The following GLP1R variants were observed in gnomAD, a reference collection of about 807,000 sequenced individuals.
The protein encoded by GLP1R is glucagon-like peptide 1 receptor.
Under a neutral mutation model 68.4 loss-of-function variants are expected in GLP1R, and 32 were observed. The ratio of observed to expected loss-of-function variants is 0.47; its 90% CI spans 0.35 to 0.63. The LOEUF (loss-of-function observed/expected upper bound fraction) is 0.63. Ranked by LOEUF, GLP1R falls within the 20% of genes least tolerant of loss-of-function variation. The pLI is 0.00. For synonymous variants in GLP1R, 263 were observed against 244.4 expected, an observed-to-expected ratio of 1.08 and a Z score of -0.71; for missense variants, 502 against 594.9, an observed-to-expected ratio of 0.84 and a Z score of 1.62.
intron 1 of GLP1R, among the ~76,000 whole-genome samples, chr6:39,052,327 G>A (rs1299861769): frequency 6.6e-6 from 1 of 152,154 alleles, no homozygotes; most frequent in Non-Finnish European, 1.5e-5. Context: ...GTTGATGGAA[G>A]GGGTGATTTG....
intron 12 of GLP1R, among the ~76,000 whole-genome samples, chr6:39,085,293 C>A (rs889929910): frequency 3.9e-5 from 6 of 152,238 alleles, no homozygotes; most frequent in African/African-American, 1.4e-4. Flanking sequence ...CTGGGCTGCA[C>A]CCCCATGGTC....
At chr6:39,057,405 G>A in intron 2 of GLP1R, 67 bp from the exon 3 acceptor site, 1 of 1,005,116 alleles carries the variant, frequency 9.9e-7, no homozygotes, top group South Asian at 1.3e-5. Flanking sequence ...GGGGTCTTGG[G>A]GAAGGGAGGG....
intron 5 of GLP1R, among the ~76,000 whole-genome samples, chr6:39,068,136 G>T (rs2150829100): frequency 6.6e-6 from 1 of 152,290 alleles, no homozygotes; most frequent in East Asian, 1.9e-4. Flanking sequence ...AATAAAAAAA[G>T]AGAGAAATAG....
In GLP1R at chr6:39,089,346, C is replaced by T; in HGVS notation, c.*3273C>T. On this transcript the variant is annotated 3_prime_UTR_variant, in exon 13 of 13. Transcript: ENST00000373256. This position sits in a 1 kb window ranked among gnomAD's most constrained non-coding sequence, Gnocchi z 4.1. ...TGTATTGATAGTCACACAGAGTGTA[C>T]TAAAATAACCTAAAAGGTCTTGAAC... Among the ~76,000 whole-genome samples the T allele has an allele frequency of 6.6e-6, 1 of 152,102 alleles. No individual in the cohort carries two copies. The highest frequency in any genetic ancestry group is 1.5e-5 in the Non-Finnish European group (1 of 68,024).
At chr6:39,083,458 T>C (rs1682964380) in intron 12 of GLP1R, among the ~76,000 whole-genome samples, 1 of 152,152 alleles carries the variant, frequency 6.6e-6, no homozygotes, top group Non-Finnish European at 1.5e-5. Flanking sequence ...ATTGGTTCTG[T>C]GTGGCTGCCA....
intron 1 of GLP1R, among the ~76,000 whole-genome samples, chr6:39,050,461 C>G (rs895861847): frequency 6.6e-6 from 1 of 152,174 alleles, no homozygotes; most frequent in African/African-American, 2.4e-5. Flanking sequence ...GTGTCAGGCT[C>G]CTGAACCCAC....
At chr6:39,071,382 A>T (rs1768662459) in intron 5 of GLP1R, among the ~76,000 whole-genome samples, 1 of 151,726 alleles carries the variant, frequency 6.6e-6, no homozygotes, top group South Asian at 2.1e-4. Flanking sequence ...GAAAGAAAGA[A>T]AAAGAAATCT....
At chr6:39,062,376 G>A (rs1479444749) in intron 3 of GLP1R, among the ~76,000 whole-genome samples, 2 of 152,204 alleles carry the variant, frequency 1.3e-5, no homozygotes, top group Middle Eastern at 3.2e-3. Flanking sequence ...GCCAAGGTGG[G>A]CATCTGGGGA....
intron 12 of GLP1R, among the ~76,000 whole-genome samples, chr6:39,085,559 T>C (rs1159081122): frequency 6.6e-6 from 1 of 152,176 alleles, no homozygotes; most frequent in African/African-American, 2.4e-5. Flanking sequence ...GTCTCTCTTC[T>C]CTCTCCCATC....
rs1012355446 is a variant in GLP1R, at chr6:39,080,575, C to G, written c.1183-123C>G. ...GCCACTGCCCCATTCCTGGATCTGC[C>G]TGGGCCGCTGGATTTGGGGAGGGGG... is the stretch of plus-strand genomic sequence containing the variant. On this transcript the variant is annotated intron_variant, in intron 11 of 12. Coordinates refer to ENST00000373256, the MANE Select transcript of GLP1R (RefSeq NM_002062.5). The G allele has an allele frequency of 9.4e-6, 6 of 635,868 alleles. No individual in the cohort carries two copies. In the African/African-American group the frequency reaches 1.1e-4, roughly 12 times the overall value. 39.4% of individuals were successfully genotyped at this position (635,868 alleles called of 1,614,324 possible). A position where few individuals can be genotyped will look rare whatever the true frequency, so the allele number is the denominator to read the frequency against.
At chr6:39,081,292 A>G (rs926015659) in intron 12 of GLP1R, among the ~76,000 whole-genome samples, 27 of 152,296 alleles carry the variant, frequency 1.8e-4, no homozygotes, top group African/African-American at 5.8e-4. Flanking sequence ...TGAAGTGTGG[A>G]AATAGTGGCA....
chr6:39,079,195 A>C lies in GLP1R; in HGVS notation c.1038A>C (p.Lys346Asn). 1 of 1,604,128 alleles carries C rather than the reference A, an allele frequency of 6.2e-7. No homozygotes were observed. Among genetic ancestry groups the C allele is most frequent in the Non-Finnish European group, 8.5e-7 (1 of 1,170,870 alleles). ...KANLMCKTDI[K>N]CRLAKSTLTL... ...ATCTCATGTGCAAGACAGACATCAA[A>C]TGCAGGTGATGTAACTGAGCTGGCT... The change falls in exon 10 of 13, where the codon AAA becomes AAC. Residue 346 changes from lysine (K) to asparagine (N), a missense_variant. Coordinates refer to ENST00000373256, the MANE Select transcript of GLP1R (RefSeq NM_002062.5). This position sits in a 1 kb window ranked among gnomAD's most constrained non-coding sequence, Gnocchi z 4.5.
chr6:39,086,123 A>G lies in GLP1R; in HGVS notation c.*50A>G. ...GGTCCTTGCTGCAGGCCGGGTGGCC[A>G]ATCCAGGTGGGAGAGACACTCCCAG... On this transcript the variant is annotated 3_prime_UTR_variant, in exon 13 of 13. Transcript: ENST00000373256. The surrounding 1 kb of genome is among the most constrained non-coding windows in gnomAD (Gnocchi z 4.5). 7.2e-6 allele frequency: 11 copies of G among 1,529,780 alleles called. No individual in the cohort carries two copies. The highest frequency in any genetic ancestry group is 9.9e-6 in the Non-Finnish European group (11 of 1,111,124). 94.8% of individuals were successfully genotyped at this position (1,529,780 alleles called of 1,614,324 possible).
intron 6 of GLP1R, 117 bp from the exon 7 acceptor site, chr6:39,073,493 G>GCT: frequency 2.3e-6 from 2 of 852,744 alleles, no homozygotes; most frequent in East Asian, 4.9e-5. Flanking sequence ...AGAGATGTGA[G>GCT]CTCTCTCCTC....
At chr6:39,051,460 G>A (rs1387755194) in intron 1 of GLP1R, among the ~76,000 whole-genome samples, 1 of 152,136 alleles carries the variant, frequency 6.6e-6, no homozygotes, top group Non-Finnish European at 1.5e-5. Flanking sequence ...TGGAGTCCAG[G>A]GCTGAGCCTT....
chr6:39,084,939 G>A (rs1769107326), intron 12 of GLP1R, among the ~76,000 whole-genome samples: 1 of 152,166 alleles, frequency 6.6e-6, no homozygotes, highest in South Asian at 2.1e-4. Flanking sequence ...GGCCTAAAGG[G>A]AAGGGCCCAG....
chr6:39,051,000 T>C (rs1286059904), intron 1 of GLP1R, among the ~76,000 whole-genome samples: 1 of 152,084 alleles, frequency 6.6e-6, no homozygotes, highest in Non-Finnish European at 1.5e-5. Flanking sequence ...GGGGGATGGC[T>C]GAGTTGACTT....
At chr6:39,068,849 C>T (rs1312519940) in intron 5 of GLP1R, among the ~76,000 whole-genome samples, 1 of 152,234 alleles carries the variant, frequency 6.6e-6, no homozygotes, top group Non-Finnish European at 1.5e-5. Context: ...TGAAAGATCT[C>T]TGAAGTGCAT....
At chr6:39,076,729 C>T (rs1174143924) in intron 7 of GLP1R, among the ~76,000 whole-genome samples, 1 of 152,148 alleles carries the variant, frequency 6.6e-6, no homozygotes, top group Non-Finnish European at 1.5e-5. Flanking sequence ...ACATGCTTAC[C>T]TATCTCAGAC....
Sources: allele counts gnomAD v4.1 joint callset (sites outside exome capture counted in the v4.1 genomes callset), GRCh38; gene constraint gnomAD v4.1.1; non-coding constraint Gnocchi (gnomAD v3.1); transcripts MANE v1.5; gene names NCBI Gene and HGNC (gene_info 2026-07-23, HGNC 2026-07-21).